Variants in STXBP5L observed in about 807,000 individuals in gnomAD.
STXBP5L encodes the protein syntaxin binding protein 5L.
In STXBP5L, 65 loss-of-function variants were observed where a neutral mutation model predicts 144.5. The observed-to-expected ratio is 0.45, with a 90% CI of 0.37 to 0.55. STXBP5L has a LOEUF of 0.55. STXBP5L is among the 20% of genes least tolerant of loss of function. The probability of loss-of-function intolerance (pLI) is 0.00; values close to 1 mark genes in which losing one functional copy is unlikely to be tolerated. For synonymous variants in STXBP5L, 505 were observed against 469.6 expected (o/e 1.08, Z -0.97); for missense variants, 1,298 against 1,405.5 (o/e 0.92, Z 1.22).
chr3:121,313,596 C>T lies in STXBP5L; in HGVS notation c.2111-4879C>T, dbSNP rs77451224. ...CCCCCCACCTCCCTCCCGGACGGGG[C>T]GGCTGGCCGACCCCCCCCCCCGCCT... On this transcript the variant is annotated intron_variant, in intron 19 of 26. Coordinates refer to ENST00000471454, the MANE Select transcript of STXBP5L (RefSeq NM_001308330.2). Among the ~76,000 whole-genome samples, 123 of 61,370 alleles carry T rather than the reference C, an allele frequency of 2.0e-3. 2 individuals carry two copies. Among genetic ancestry groups the T allele is most frequent in the Non-Finnish European group, 2.3e-3 (70 of 30,224 alleles). 40.3% of individuals were successfully genotyped at this position (61,370 alleles called of 152,430 possible). A position where few individuals can be genotyped will look rare whatever the true frequency, so the allele number is the denominator to read the frequency against.
At chr3:121,296,488 A>G (rs1319805556) in intron 19 of STXBP5L, among the ~76,000 whole-genome samples, 1 of 152,226 alleles carries the variant, frequency 6.6e-6, no homozygotes, top group Non-Finnish European at 1.5e-5. Context: ...AACAATGATG[A>G]AAACAACAAA....
chr3:121,108,813 G>T (rs1228623144), intron 5 of STXBP5L, among the ~76,000 whole-genome samples: 2 of 152,088 alleles, frequency 1.3e-5, no homozygotes, highest in African/African-American at 4.8e-5. Context: ...TGTACCTCTG[G>T]TAGAATTCAG....
chr3:121,395,060 AT>A (rs1207348628), intron 22 of STXBP5L, among the ~76,000 whole-genome samples: 16 of 152,300 alleles, frequency 1.1e-4, no homozygotes, highest in African/African-American at 2.9e-4. Flanking sequence ...ATGAAAAAAA[AT>A]CTATTATCAT....
chr3:120,976,729 T>A lies in STXBP5L; in HGVS notation c.287+21692T>A, dbSNP rs1475904955. Among the ~76,000 whole-genome samples the A allele has an allele frequency of 2.6e-5, 4 of 152,196 alleles. No homozygotes were observed. The East Asian group carries it at 5.8e-4, about 22-fold the overall frequency. On this transcript the variant is annotated intron_variant, in intron 3 of 26. Coordinates refer to ENST00000471454, the MANE Select transcript of STXBP5L (RefSeq NM_001308330.2). ...ACACTGCTTTGAATGTGTCCCAGTG[T>A]TTCTGGTATGTTGTGTCTTTGTTCT...
At chr3:120,996,681 T>G (rs1284560205) in intron 3 of STXBP5L, among the ~76,000 whole-genome samples, 1 of 152,188 alleles carries the variant, frequency 6.6e-6, no homozygotes, top group Non-Finnish European at 1.5e-5. Context: ...CTTTTTTAGA[T>G]TTCACATATA....
At chr3:121,006,112 A>C (rs1303190914) in intron 3 of STXBP5L, among the ~76,000 whole-genome samples, 1 of 151,634 alleles carries the variant, frequency 6.6e-6, no homozygotes, top group African/African-American at 2.4e-5. Context: ...ATCCTTGTTA[A>C]CTTTCTGTCT....
chr3:121,268,885 C>A (rs1490988149), intron 18 of STXBP5L, among the ~76,000 whole-genome samples: 2 of 152,100 alleles, frequency 1.3e-5, no homozygotes, highest in African/African-American at 2.4e-5. Flanking sequence ...GTTTGTCGCA[C>A]ATATATGGAA....
chr3:121,046,985 C>A (rs75256160), intron 5 of STXBP5L, among the ~76,000 whole-genome samples: 2,281 of 151,988 alleles, frequency 0.015, 63 homozygotes, highest in African/African-American at 0.052. Context: ...TTGATGTGGA[C>A]CTTTAGCACT....
At chr3:121,158,833 T>C (rs890337940) in intron 9 of STXBP5L, 1 of 152,326 alleles carries the variant, frequency 6.6e-6, no homozygotes, top group Non-Finnish European at 1.5e-5. Context: ...CAGTTTCTAT[T>C]AGTTCTTTTG....
chr3:121,313,269 C>T (rs2043618961), intron 19 of STXBP5L, among the ~76,000 whole-genome samples: 2 of 142,072 alleles, frequency 1.4e-5, no homozygotes, highest in South Asian at 4.6e-4. Context: ...CAGAGGGGCT[C>T]CTCACTTCCC....
At chr3:121,097,941 G>A (rs371175872) in intron 5 of STXBP5L, among the ~76,000 whole-genome samples, 11 of 152,044 alleles carry the variant, frequency 7.2e-5, no homozygotes, top group African/African-American at 1.2e-4. Context: ...TACGTTGAAC[G>A]TAAAGCCAAG....
intron 7 of STXBP5L, among the ~76,000 whole-genome samples, chr3:121,138,510 C>T (rs1375328015): frequency 6.6e-6 from 1 of 152,088 alleles, no homozygotes; most frequent in African/African-American, 2.4e-5. Context: ...TCAAAGTATA[C>T]CACAATGCTA....
intron 3 of STXBP5L, among the ~76,000 whole-genome samples, chr3:121,000,261 T>C (rs1049105239): frequency 5.3e-5 from 8 of 152,200 alleles, no homozygotes; most frequent in African/African-American, 1.9e-4. Flanking sequence ...GTCATAGATT[T>C]GGTCTATAAA....
In STXBP5L at chr3:121,057,264, A is replaced by G. The variant is rs112792707; in HGVS notation, c.470+11729A>G. 2.5e-3 allele frequency among the ~76,000 whole-genome samples: 381 copies of G among 152,078 alleles called. 2 individuals carry two copies. The highest frequency in any genetic ancestry group is 8.6e-3 in the African/African-American group (358 of 41,548). On this transcript the variant is annotated intron_variant, in intron 5 of 26. Coordinates refer to ENST00000471454, the MANE Select transcript of STXBP5L (RefSeq NM_001308330.2). ...ATGCTACATGTTAATGTAGCATGTT[A>G]TACAGTTTTGTGTCTTGCTTTTTTC...
intron 20 of STXBP5L, among the ~76,000 whole-genome samples, chr3:121,332,009 C>A (rs374868398): frequency 2.0e-5 from 3 of 151,296 alleles, no homozygotes; most frequent in Non-Finnish European, 4.4e-5. Flanking sequence ...CCTCTGAAAG[C>A]GCCCAGAGCC....
intron 10 of STXBP5L, among the ~76,000 whole-genome samples, chr3:121,221,347 G>C (rs2048967888): frequency 6.6e-6 from 1 of 151,690 alleles, no homozygotes. Context: ...AAAAGCAGGG[G>C]GGGTAAATTG....
At chr3:120,923,598 T>G (rs470412) in intron 2 of STXBP5L, among the ~76,000 whole-genome samples, 80,221 of 151,808 alleles carry the variant, frequency 0.53, 21,731 homozygotes, top group African/African-American at 0.62. Context: ...TTGACTCATT[T>G]GTCATTCAAG....
intron 24 of STXBP5L, 99 bp from the exon 25 acceptor site, chr3:121,415,757 GT>G (rs1420975269): frequency 9.2e-6 from 6 of 652,322 alleles, no homozygotes; most frequent in Non-Finnish European, 1.4e-5. Context: ...AAAGCAGACT[GT>G]TTTTTCATGA....
intron 20 of STXBP5L, among the ~76,000 whole-genome samples, chr3:121,325,625 T>A (rs1368790340): frequency 6.6e-6 from 1 of 151,954 alleles, no homozygotes; most frequent in African/African-American, 2.4e-5. Flanking sequence ...AAAAATATAG[T>A]TTACCATTAA....
Sources: allele counts gnomAD v4.1 joint callset (sites outside exome capture counted in the v4.1 genomes callset), GRCh38; gene constraint gnomAD v4.1.1; transcripts MANE v1.5; gene names NCBI Gene and HGNC (gene_info 2026-07-23, HGNC 2026-07-21).